ACER2: variants seen among roughly 807,000 people sequenced by gnomAD.
ACER2 encodes alkaline ceramidase 2.
A neutral mutation model predicts 34.7 loss-of-function variants in ACER2; 26 were observed. That is an observed-to-expected ratio of 0.75 (90% CI 0.55 to 1.04). The LOEUF (loss-of-function observed/expected upper bound fraction) is 1.04, where lower values mean the gene tolerates loss of function less well. Ranked by LOEUF, ACER2 falls within the 50% of genes least tolerant of loss-of-function variation. ACER2 has a pLI of 0.00. For missense variants in ACER2, 352 were observed against 340.8 expected, an observed-to-expected ratio of 1.03 and a Z score of -0.26; for synonymous variants, 138 against 132.1, an observed-to-expected ratio of 1.04 and a Z score of -0.31.
intron 4 of ACER2, among the ~76,000 whole-genome samples, chr9:19,443,327 C>T (rs1003852860): frequency 1.3e-5 from 2 of 152,086 alleles, no homozygotes; most frequent in South Asian, 4.1e-4. Context: ...CCACCACGCC[C>T]GGCACATTTA....
intron 2 of ACER2, chr9:19,424,240 A>G (rs939711039): frequency 1.9e-6 from 1 of 524,180 alleles, no homozygotes; most frequent in African/African-American, 2.1e-5. Flanking sequence ...CGTCTGAAGA[A>G]AGTCAGGTGA....
chr9:19,439,466 A>G (rs192309498), intron 4 of ACER2, among the ~76,000 whole-genome samples: 1 of 151,488 alleles, frequency 6.6e-6, no homozygotes, highest in Admixed American at 6.6e-5. Flanking sequence ...CAGCCTCCCC[A>G]GTAGAGTAGT....
chr9:19,433,979 G>T (rs1207470111), intron 3 of ACER2, among the ~76,000 whole-genome samples: 39 of 152,152 alleles, frequency 2.6e-4, no homozygotes, highest in South Asian at 4.2e-4. Flanking sequence ...TCCCGGACGG[G>T]GTGGCTGCCG....
chr9:19,442,887 C>A (rs554777722), intron 4 of ACER2, among the ~76,000 whole-genome samples: 51 of 151,002 alleles, frequency 3.4e-4, no homozygotes, highest in African/African-American at 1.2e-3. Flanking sequence ...GGCTGGAGTG[C>A]GGTGGCACTA....
chr9:19,428,991 G>C (rs1308529415), intron 3 of ACER2, among the ~76,000 whole-genome samples: 1 of 150,796 alleles, frequency 6.6e-6, no homozygotes, highest in African/African-American at 2.4e-5. Context: ...GGTTTCACCA[G>C]GTTGGCCAGG....
At chr9:19,450,247 G>A (rs551316893) in intron 5 of ACER2, 2 of 985,342 alleles carry the variant, frequency 2.0e-6, no homozygotes, top group Admixed American at 6.1e-5. Context: ...ATTCTAAAAC[G>A]GGTCCCAAAT....
chr9:19,444,016 G>A (rs541681202), intron 4 of ACER2, among the ~76,000 whole-genome samples: 2 of 152,036 alleles, frequency 1.3e-5, no homozygotes, highest in Admixed American at 1.3e-4. Context: ...TGTGATGAGA[G>A]TTATGAAGGA....
chr9:19,420,532 G>C (rs1830371903), intron 1 of ACER2, among the ~76,000 whole-genome samples: 1 of 152,176 alleles, frequency 6.6e-6, no homozygotes, highest in Non-Finnish European at 1.5e-5. Context: ...TATAACAAGT[G>C]TTGGCAAGGA....
At chr9:19,410,584 C>A (rs1803593272) in intron 1 of ACER2, among the ~76,000 whole-genome samples, 2 of 152,182 alleles carry the variant, frequency 1.3e-5, no homozygotes, top group African/African-American at 4.8e-5. Flanking sequence ...GTGGCACACA[C>A]TTGTCGTCCC....
At chr9:19,448,437 A>G (rs1232088930) in intron 5 of ACER2, among the ~76,000 whole-genome samples, 1 of 152,208 alleles carries the variant, frequency 6.6e-6, no homozygotes, top group Non-Finnish European at 1.5e-5. Context: ...GCTTCATAAT[A>G]TGGACACTTT....
At chr9:19,446,623 G>T (rs759321354) in intron 5 of ACER2, 51 of 985,432 alleles carry the variant, frequency 5.2e-5, no homozygotes, top group Admixed American at 2.5e-4. Flanking sequence ...GGCTTAGCCG[G>T]AACGAAAGGC....
intron 4 of ACER2, among the ~76,000 whole-genome samples, chr9:19,443,848 G>C (rs1831241743): frequency 1.3e-5 from 2 of 152,220 alleles, no homozygotes; most frequent in South Asian, 2.1e-4. Flanking sequence ...GTAGAGACGG[G>C]ATATCACCAC....
intron 1 of ACER2, 56 bp from the exon 2 acceptor site, chr9:19,423,806 T>TTTTTTGCCCTTTTTAC: frequency 7.3e-7 from 1 of 1,361,338 alleles, no homozygotes; most frequent in East Asian, 2.3e-5. Flanking sequence ...GGCCACTTTA[T>TTTTTTGCCCTTTTTAC]TTTTTGCCCT....
At chr9:19,423,507 G>A (rs566872218) in intron 1 of ACER2, among the ~76,000 whole-genome samples, 2 of 152,160 alleles carry the variant, frequency 1.3e-5, no homozygotes, top group Non-Finnish European at 2.9e-5. Flanking sequence ...TCCGAGACCA[G>A]CCCGGCCAAC....
intron 1 of ACER2, among the ~76,000 whole-genome samples, chr9:19,410,118 A>G (rs1354990969): frequency 6.6e-6 from 1 of 152,226 alleles, no homozygotes. Flanking sequence ...GGTTTGGGTC[A>G]TTGTGAATTT....
intron 1 of ACER2, among the ~76,000 whole-genome samples, chr9:19,421,744 G>T (rs1830413442): frequency 1.3e-5 from 2 of 151,912 alleles, no homozygotes. Context: ...TTAGTTTTAT[G>T]GTATGTGAAT....
At chr9:19,442,577 G>T (rs1046908231) in intron 4 of ACER2, among the ~76,000 whole-genome samples, 9 of 152,146 alleles carry the variant, frequency 5.9e-5, no homozygotes, top group Non-Finnish European at 1.5e-5. Context: ...CTAACGGCCG[G>T]GCACCTCCCT....
chr9:19,446,465 A>C, intron 5 of ACER2, 47 bp downstream of exon 5: 3 of 1,612,284 alleles, frequency 1.9e-6, no homozygotes, highest in Non-Finnish European at 2.5e-6. Context: ...GTGTGTTTGC[A>C]CTTGCTGTTG....
Position 19,429,156 on chromosome 9 carries a change from C to G in ACER2, c.365+4315C>G, listed in dbSNP as rs143918022. On this transcript the variant is annotated intron_variant, in intron 3 of 5. Transcript: ENST00000340967. ...GGGAAATTATTAATGTTCATTATGTCAATAGGATATAAATGTTGGGTTTAT... is the reference window on the plus strand; with the variant it reads ...GGGAAATTATTAATGTTCATTATGTGAATAGGATATAAATGTTGGGTTTAT... Among the ~76,000 whole-genome samples the G allele has an allele frequency of 1.4e-3, 214 of 151,942 alleles. 1 individual carries two copies. Among genetic ancestry groups the G allele is most frequent in the African/African-American group, 5.1e-3 (212 of 41,432 alleles).
Sources: allele counts gnomAD v4.1 joint callset (sites outside exome capture counted in the v4.1 genomes callset), GRCh38; gene constraint gnomAD v4.1.1; transcripts MANE v1.5; gene names NCBI Gene and HGNC (gene_info 2026-07-23, HGNC 2026-07-21).